Variants in CNTLN observed in about 807,000 individuals in gnomAD.
CNTLN encodes centlein, also known as centlein, centrosomal protein.
Under a neutral mutation model 180.0 loss-of-function variants are expected in CNTLN, and 212 were observed. The ratio of observed to expected loss-of-function variants is 1.18; its 90% CI spans 1.05 to 1.32. CNTLN has a LOEUF of 1.32. Ranked by LOEUF, CNTLN falls within the 40% of genes most tolerant of loss-of-function variation. The probability of loss-of-function intolerance (pLI) is 0.00; values close to 1 mark genes in which losing one functional copy is unlikely to be tolerated. For synonymous variants in CNTLN, 722 were observed against 563.1 expected (o/e 1.28, Z -3.99); for missense variants, 2,095 against 1,610.9 (o/e 1.30, Z -5.14).
At chr9:17,520,047 C>A in the CNTLN span, among the ~76,000 whole-genome samples, 1 of 152,184 alleles carries the variant, frequency 6.6e-6, no homozygotes. Flanking sequence ...AGGAAAGATG[C>A]CTCACACTGG....
intron 6 of CNTLN, among the ~76,000 whole-genome samples, chr9:17,296,713 C>G (rs76856009): frequency 2.0e-5 from 3 of 151,984 alleles, no homozygotes; most frequent in African/African-American, 7.2e-5. Context: ...ATTATTGGTT[C>G]TCTTCTCTCC....
chr9:17,305,099 C>T (rs535987963), intron 7 of CNTLN, among the ~76,000 whole-genome samples: 4 of 152,086 alleles, frequency 2.6e-5, no homozygotes, highest in East Asian at 3.9e-4. Flanking sequence ...ATAAAATATT[C>T]GAAAAGGCGT....
chr9:17,192,184 T>C (rs1480200703), intron 2 of CNTLN, among the ~76,000 whole-genome samples: 3 of 152,092 alleles, frequency 2.0e-5, no homozygotes, highest in Non-Finnish European at 2.9e-5. Flanking sequence ...CAGTTCTTAG[T>C]GCTTTCCATA....
chr9:17,357,843 A>T (rs1038010680), intron 12 of CNTLN, among the ~76,000 whole-genome samples: 4 of 151,664 alleles, frequency 2.6e-5, no homozygotes, highest in Admixed American at 1.3e-4. Context: ...ACTAAATAAT[A>T]AAATTTATTT....
chr9:17,288,556 G>T (rs1175264148), intron 6 of CNTLN, among the ~76,000 whole-genome samples: 1 of 127,740 alleles, frequency 7.8e-6, no homozygotes, highest in Non-Finnish European at 1.6e-5. Context: ...CAATTCCTGG[G>T]TATCTTTGTT....
At chr9:17,229,132 G>C (rs557063114) in intron 3 of CNTLN, among the ~76,000 whole-genome samples, 1 of 151,958 alleles carries the variant, frequency 6.6e-6, no homozygotes, top group East Asian at 1.9e-4. Context: ...TAGTGAAAGA[G>C]GTGAAAAGAC....
intron 13 of CNTLN, among the ~76,000 whole-genome samples, chr9:17,376,368 A>T (rs1382784822): frequency 6.6e-6 from 1 of 152,122 alleles, no homozygotes; most frequent in African/African-American, 2.4e-5. Flanking sequence ...CAAAGAAAAA[A>T]CTAGTTCACA....
intron 18 of CNTLN, among the ~76,000 whole-genome samples, chr9:17,433,300 T>C (rs1829540287): frequency 6.6e-6 from 1 of 151,904 alleles, no homozygotes; most frequent in Non-Finnish European, 1.5e-5. Flanking sequence ...CTTTTTTTTT[T>C]TTGAAATGGA....
chr9:17,331,984 G>A (rs1820675878), intron 9 of CNTLN, among the ~76,000 whole-genome samples: 1 of 152,060 alleles, frequency 6.6e-6, no homozygotes, highest in Non-Finnish European at 1.5e-5. Flanking sequence ...AGGCCATGCA[G>A]TAAGGATGAG....
intron 6 of CNTLN, among the ~76,000 whole-genome samples, chr9:17,294,309 C>T (rs925007227): frequency 6.6e-6 from 1 of 152,038 alleles, no homozygotes; most frequent in Non-Finnish European, 1.5e-5. Context: ...CCACATCCTG[C>T]TGATTGGTCC....
Position 17,416,174 on chromosome 9 carries a change from C to A in CNTLN, c.3099C>A (p.Ser1033Arg). The change falls in exon 18 of 26, where the codon AGC (serine) becomes AGA (arginine). Residue 1033 changes from serine (S) to arginine (R), a missense_variant. By Grantham distance (110) the Ser-to-Arg change is moderately radical (BLOSUM62 -1). Transcript: ENST00000380647. The part of the protein sequence containing the change: ...QQVSDQRFQT[S>R]RQTIKKLNLD... ...TATCCGATCAACGATTTCAGACAAG[C>A]AGGCAGACAATAAAGGTAAAGAGAA... 1 of 1,612,340 alleles carries A rather than the reference C, an allele frequency of 6.2e-7. No homozygotes were observed. The highest frequency in any genetic ancestry group is 2.2e-5 in the East Asian group (1 of 44,782).
At chr9:17,293,697 A>G (rs1817577047) in intron 6 of CNTLN, among the ~76,000 whole-genome samples, 1 of 152,156 alleles carries the variant, frequency 6.6e-6, no homozygotes, top group South Asian at 2.1e-4. Context: ...ACTCCCCGGG[A>G]ACTCAGGCAT....
At chr9:17,523,521 G>T in the CNTLN span, among the ~76,000 whole-genome samples, 3 of 152,080 alleles carry the variant, frequency 2.0e-5, no homozygotes, top group African/African-American at 4.8e-5. Flanking sequence ...ACAGGTGTGC[G>T]CCACCATGCC....
chr9:17,494,903 A>G (rs1328689799), intron 25 of CNTLN: 8 of 330,394 alleles, frequency 2.4e-5, no homozygotes, highest in Admixed American at 1.9e-4. Context: ...TTTTTTGGTC[A>G]CAGAGTCTTG....
At chr9:17,284,748 G>T (rs971703547) in intron 6 of CNTLN, among the ~76,000 whole-genome samples, 1 of 151,870 alleles carries the variant, frequency 6.6e-6, no homozygotes, top group African/African-American at 2.4e-5. Context: ...TTTCATGTCT[G>T]TATCTCCTTC....
intron 14 of CNTLN, among the ~76,000 whole-genome samples, chr9:17,390,532 C>T (rs1826037473): frequency 6.6e-6 from 1 of 152,116 alleles, no homozygotes; most frequent in Non-Finnish European, 1.5e-5. Context: ...GCATGAGCCA[C>T]TGCACCCGGC....
At chr9:17,472,695 A>G (rs912883067) in intron 23 of CNTLN, among the ~76,000 whole-genome samples, 2 of 152,078 alleles carry the variant, frequency 1.3e-5, no homozygotes, top group African/African-American at 4.8e-5. Flanking sequence ...TGGGAAGAAA[A>G]ATCTCATACA....
At chr9:17,292,156 G>A (rs1462821662) in intron 6 of CNTLN, among the ~76,000 whole-genome samples, 1 of 152,180 alleles carries the variant, frequency 6.6e-6, no homozygotes, top group African/African-American at 2.4e-5. Context: ...TAGGGTTTCT[G>A]CTGAGAAGTT....
chr9:17,143,772 T>C (rs1818266541), intron 2 of CNTLN, among the ~76,000 whole-genome samples: 2 of 152,148 alleles, frequency 1.3e-5, no homozygotes, highest in South Asian at 2.1e-4. Flanking sequence ...ATAATTGCAG[T>C]GTGTAATTGA....
Sources: allele counts gnomAD v4.1 joint callset (sites outside exome capture counted in the v4.1 genomes callset), GRCh38; gene constraint gnomAD v4.1.1; transcripts MANE v1.5; gene names NCBI Gene and HGNC (gene_info 2026-07-23, HGNC 2026-07-21).